SLIT1: variants seen among roughly 807,000 people sequenced by gnomAD.
SLIT1 encodes slit guidance ligand 1, also known as slit homolog 1 protein.
SLIT1 carries 66 observed loss-of-function variants against 186.1 expected under a neutral mutation model. That is an observed-to-expected ratio of 0.35 (90% CI 0.29 to 0.44). SLIT1 has a LOEUF of 0.44. Ranked by LOEUF, SLIT1 falls within the 20% of genes least tolerant of loss-of-function variation. The pLI is 1.00. For missense variants in SLIT1, 1,638 were observed against 2,037.4 expected, an observed-to-expected ratio of 0.80 and a Z score of 3.77; for synonymous variants, 761 against 833.8, an observed-to-expected ratio of 0.91 and a Z score of 1.50.
chr10:97,170,606 C>T (rs1004396597), intron 1 of SLIT1, among the ~76,000 whole-genome samples: 4 of 152,134 alleles, frequency 2.6e-5, no homozygotes, highest in African/African-American at 9.7e-5. Flanking sequence ...CTCCCTCTTC[C>T]AAAAGTCATG....
chr10:97,064,175 G>A lies in SLIT1; in HGVS notation c.622C>T (p.Arg208Trp), dbSNP rs768023591. The change falls in exon 7 of 37, where the codon CGG becomes TGG. Residue 208 changes from arginine to tryptophan, a missense_variant. Arg to Trp is a moderately radical substitution (Grantham distance 101). Around this residue, in one of 3 missense-constraint regions of SLIT1, gnomAD observed 1,245 missense variants for 1,535.3 expected, o/e 0.81. Transcript: ENST00000266058. ...CTGCCCCGGCTGACTCACAAGGTCC[G>A]TAGCTTGGGCATATGGTTGAAGCTG... ...VSSFNHMPKLRTFRLHSNHLF... is the reference protein window; with the variant it reads ...VSSFNHMPKLWTFRLHSNHLF... The A allele has an allele frequency of 9.9e-6, 16 of 1,612,910 alleles. No homozygotes were observed. The highest frequency in any genetic ancestry group is 4.5e-5 in the East Asian group (2 of 44,876).
chr10:97,174,203 C>A (rs1156598477), intron 1 of SLIT1, among the ~76,000 whole-genome samples: 1 of 152,220 alleles, frequency 6.6e-6, no homozygotes, highest in East Asian at 1.9e-4. Context: ...TGCCTAAGGC[C>A]AGTCTCCCAG....
intron 1 of SLIT1, among the ~76,000 whole-genome samples, chr10:97,169,667 C>T (rs1255095004): frequency 6.6e-6 from 1 of 152,202 alleles, no homozygotes; most frequent in Non-Finnish European, 1.5e-5. Context: ...ATCCCAAGGT[C>T]CAGAGCCCAC....
Position 97,166,639 on chromosome 10 carries a change from A to AGAAAG in SLIT1, c.198-1754_198-1750dup, listed in dbSNP as rs386372188. ...AGAAAGAAAGAGAAAAGAAAAGAAA[A>AGAAAG]GAAAGGAAAGGAAAAGAAAAGAAAA... On this transcript the variant is annotated intron_variant, in intron 1 of 36. Transcript: ENST00000266058. 8.6e-3 allele frequency among the ~76,000 whole-genome samples: 1,228 copies of AGAAAG among 143,384 alleles called. 46 individuals are homozygous for AGAAAG. Among genetic ancestry groups the AGAAAG allele is most frequent in the Admixed American group, 0.043 (614 of 14,250 alleles). 94.1% of individuals were successfully genotyped at this position (143,384 alleles called of 152,430 possible).
chr10:97,065,084 A>G lies in SLIT1; in HGVS notation c.486-208T>C, dbSNP rs139842066. On this transcript the variant is annotated intron_variant, in intron 5 of 36. Coordinates refer to ENST00000266058, the MANE Select transcript of SLIT1 (RefSeq NM_003061.3). ...AGTTAAAATCATAAATATAAGTAAA[A>G]GTTATATTCTTCTACTCAACCTTAC... Among the ~76,000 whole-genome samples the G allele has an allele frequency of 1.3e-4, 20 of 152,248 alleles. No individual in the cohort carries two copies. The East Asian group carries it at 3.7e-3, about 28-fold the overall frequency.
intron 18 of SLIT1, 57 bp downstream of exon 18, chr10:97,046,597 T>C (rs1195966886): frequency 4.1e-5 from 62 of 1,516,790 alleles, no homozygotes; most frequent in Non-Finnish European, 5.4e-5. Flanking sequence ...TCCTTTCCCT[T>C]GGCTTTGCCT....
rs1848289006 is a variant in SLIT1, at chr10:96,999,983, A to C, written c.*1129T>G. The C allele has an allele frequency of 6.6e-6, 1 of 152,302 alleles. No homozygotes were observed. The highest frequency in any genetic ancestry group is 6.5e-5 in the Admixed American group (1 of 15,286). The allele number at this position is 152,302 out of a possible 1,614,324, so 9.4% of individuals were successfully genotyped here. On this transcript the variant is annotated 3_prime_UTR_variant, in exon 37 of 37. Transcript: ENST00000266058. The stretch of plus-strand genomic sequence containing the variant: ...AACTCCTCTGGCCTCCCAAGACCAC[A>C]GTGGGGGAGTCTGCACTGTTCCTTT...
At chr10:97,066,705 C>T (rs1034465397) in intron 4 of SLIT1, among the ~76,000 whole-genome samples, 4 of 152,276 alleles carry the variant, frequency 2.6e-5, no homozygotes, top group Non-Finnish European at 5.9e-5. Context: ...CTTTGCTTCC[C>T]GCACAGCCTG....
At position 97,033,860 on chromosome 10, in the gene SLIT1, A is replaced by ATTT. The variant is rs36010222; in HGVS notation, c.2438+608_2438+610dup. Reference sequence around the variant, plus strand: ...AGGGACAAGGTGCTAGCACTGTTCTATTTTTTTTTTTTTTTTTTTTCTGAG... The same window carrying ATTT: ...AGGGACAAGGTGCTAGCACTGTTCTATTTTTTTTTTTTTTTTTTTTTTTCTGAG... On this transcript the variant is annotated intron_variant, in intron 23 of 36. Coordinates refer to ENST00000266058, the MANE Select transcript of SLIT1 (RefSeq NM_003061.3). Among the ~76,000 whole-genome samples, 64 of 125,280 alleles carry ATTT rather than the reference A, an allele frequency of 5.1e-4. 1 individual carries two copies. Among genetic ancestry groups the ATTT allele is most frequent in the South Asian group, 3.4e-3 (13 of 3,834 alleles). 82.2% of individuals were successfully genotyped at this position (125,280 alleles called of 152,430 possible). A position where few individuals can be genotyped will look rare whatever the true frequency, so the allele number is the denominator to read the frequency against.
chr10:97,006,764 G>A lies in SLIT1; in HGVS notation c.3342-44C>T. The A allele has an allele frequency of 7.6e-7, 1 of 1,323,064 alleles. No individual in the cohort carries two copies. The highest frequency in any genetic ancestry group is 1.1e-6 in the Non-Finnish European group (1 of 919,360). 82.0% of individuals were successfully genotyped at this position (1,323,064 alleles called of 1,614,324 possible). On this transcript the variant is annotated intron_variant, in intron 31 of 36. Transcript: ENST00000266058. This position sits in a 1 kb window ranked among gnomAD's most constrained non-coding sequence, Gnocchi z 4.0. ...AGTCAGAGAGGGCCAAGGAGGAAGG[G>A]AGTATCTTCCTCTCCCACAGCCCTG... is the stretch of plus-strand genomic sequence containing the variant.
At chr10:97,091,326 C>T (rs1849229636) in intron 4 of SLIT1, among the ~76,000 whole-genome samples, 1 of 152,206 alleles carries the variant, frequency 6.6e-6, no homozygotes, top group South Asian at 2.1e-4. Flanking sequence ...CCTTAGGGGA[C>T]TCACCTTTGT....
At chr10:97,037,807 T>A in intron 21 of SLIT1, 41 bp from the exon 22 acceptor site, 4 of 1,524,998 alleles carry the variant, frequency 2.6e-6, no homozygotes, top group Non-Finnish European at 3.6e-6. Context: ...CATCTCCACC[T>A]CTGGTGGTGC....
intron 34 of SLIT1, 121 bp downstream of exon 34, chr10:97,003,947 G>T: frequency 2.2e-6 from 2 of 917,564 alleles, no homozygotes; most frequent in Non-Finnish European, 3.3e-6. Context: ...CCTGCAGCTT[G>T]GCCACCACCA....
chr10:97,073,754 C>T (rs909812472), intron 4 of SLIT1, among the ~76,000 whole-genome samples: 1 of 152,124 alleles, frequency 6.6e-6, no homozygotes, highest in African/African-American at 2.4e-5. Context: ...TCACTTAAAT[C>T]GTGTGGTCTC....
intron 25 of SLIT1, among the ~76,000 whole-genome samples, chr10:97,023,872 G>T (rs967507830): frequency 6.6e-6 from 1 of 152,104 alleles, no homozygotes; most frequent in Non-Finnish European, 1.5e-5. Context: ...AACCCGGGAG[G>T]GGGAGGTTGC....
intron 4 of SLIT1, among the ~76,000 whole-genome samples, chr10:97,107,697 G>C (rs943589380): frequency 6.6e-6 from 1 of 152,206 alleles, no homozygotes; most frequent in African/African-American, 2.4e-5. Context: ...GTCCTGCCTT[G>C]CTGAGGCCCT....
At chr10:97,111,751 T>G (rs1849466942) in intron 4 of SLIT1, among the ~76,000 whole-genome samples, 1 of 152,194 alleles carries the variant, frequency 6.6e-6, no homozygotes, top group Non-Finnish European at 1.5e-5. Flanking sequence ...CCTGGGAGCG[T>G]TCACTCGTTT....
Position 97,002,357 on chromosome 10 carries a change from C to T in SLIT1, c.4167G>A (p.Gly1389=), listed in dbSNP as rs1287908942. 6.2e-7 allele frequency: 1 copy of T among 1,603,634 alleles called. No homozygotes were observed. Among genetic ancestry groups the T allele is most frequent in the African/African-American group, 1.3e-5 (1 of 74,856 alleles). ...AAAGAGCGTCGAGGGGCACGCATTG[C>T]CCATGGACACACCTGGAGGAGACAG... is the stretch of plus-strand genomic sequence containing the variant. ...GPCHGHKCVH[G]QCVPLDALSY... Residue 1389 remains glycine (G), a synonymous_variant, in exon 36 of 37, where the codon GGG becomes GGA. Transcript: ENST00000266058.
Position 97,047,825 on chromosome 10 carries a change from T to A in SLIT1, c.1499A>T (p.Asp500Val). The change falls in exon 16 of 37, where the codon GAT becomes GTT. Residue 500 changes from aspartate to valine, a missense_variant. Physicochemically the swap from Asp to Val is radical, Grantham distance 152. Coordinates refer to ENST00000266058, the MANE Select transcript of SLIT1 (RefSeq NM_003061.3). ...KEQYFIPGTE[D>V]YQLNSECNSD... Reference sequence around the variant, plus strand: ...GTTGCACTCGCTGTTCAGCTGGTAATCCTCCGTGCCTGCCATGAGAGGGTG... The same window carrying A: ...GTTGCACTCGCTGTTCAGCTGGTAAACCTCCGTGCCTGCCATGAGAGGGTG... 6.2e-7 allele frequency: 1 copy of A among 1,613,804 alleles called. No individual in the cohort carries two copies.
Sources: allele counts gnomAD v4.1 joint callset (sites outside exome capture counted in the v4.1 genomes callset), GRCh38; gene constraint gnomAD v4.1.1; regional missense constraint gnomAD v4.1.1; non-coding constraint Gnocchi (gnomAD v3.1); transcripts MANE v1.5; gene names NCBI Gene and HGNC (gene_info 2026-07-23, HGNC 2026-07-21).